Variants in CACNA1E observed in about 807,000 individuals in gnomAD.
CACNA1E encodes the protein voltage-dependent R-type calcium channel subunit alpha-1E.
Under a neutral mutation model 259.2 loss-of-function variants are expected in CACNA1E, and 40 were observed. That is an observed-to-expected ratio of 0.15 (90% confidence interval 0.12 to 0.20). The LOEUF is 0.20. CACNA1E is among the 10% of genes least tolerant of loss of function. The pLI is 1.00. For synonymous variants in CACNA1E, 1,104 were observed against 1,138.5 expected (o/e 0.97, Z 0.61); for missense variants, 1,874 against 3,040.1 (o/e 0.62, Z 9.02).
chr1:181,559,751 G>T (rs990860907), intron 3 of CACNA1E, among the ~76,000 whole-genome samples: 5 of 152,198 alleles, frequency 3.3e-5, no homozygotes, highest in Admixed American at 6.5e-5. Context: ...GGGTACAAAT[G>T]TGCACCAGCT....
intron 2 of CACNA1E, among the ~76,000 whole-genome samples, chr1:181,430,061 T>C (rs1028713517): frequency 5.3e-5 from 8 of 152,174 alleles, no homozygotes; most frequent in African/African-American, 1.7e-4. Context: ...CTCTACATAC[T>C]CTTTTCTGGG....
chr1:181,585,930 G>C (rs887687970), intron 6 of CACNA1E, among the ~76,000 whole-genome samples: 2 of 152,148 alleles, frequency 1.3e-5, no homozygotes, highest in African/African-American at 4.8e-5. Context: ...AGCAATGGAG[G>C]GTTTTGAGGA....
intron 6 of CACNA1E, among the ~76,000 whole-genome samples, chr1:181,583,989 T>C (rs1160159756): frequency 1.3e-5 from 2 of 152,178 alleles, no homozygotes; most frequent in Non-Finnish European, 2.9e-5. Flanking sequence ...TGATCAATGC[T>C]CTTCATTCAA....
chr1:181,582,341 G>A (rs990853083), intron 6 of CACNA1E, among the ~76,000 whole-genome samples: 3 of 152,196 alleles, frequency 2.0e-5, no homozygotes, highest in African/African-American at 7.2e-5. Context: ...GATGAGTGCA[G>A]TCACTCCTCA....
At chr1:181,778,316 A>C (rs1367656975) in intron 38 of CACNA1E, among the ~76,000 whole-genome samples, 1 of 152,240 alleles carries the variant, frequency 6.6e-6, no homozygotes, top group Non-Finnish European at 1.5e-5. Context: ...TGAAAGGACA[A>C]CTGGCTAAAT....
At chr1:181,499,828 G>A (rs1021941217) in intron 1 of CACNA1E, among the ~76,000 whole-genome samples, 1 of 152,194 alleles carries the variant, frequency 6.6e-6, no homozygotes, top group Non-Finnish European at 1.5e-5. Context: ...CTTCTAGACC[G>A]AGGGGAGCCA....
chr1:181,440,945 C>T (rs1660422473), intron 2 of CACNA1E, among the ~76,000 whole-genome samples: 1 of 132,742 alleles, frequency 7.5e-6, no homozygotes, highest in African/African-American at 2.8e-5. Flanking sequence ...CATGCCATTG[C>T]ACTCCAGCCT....
intron 7 of CACNA1E, among the ~76,000 whole-genome samples, chr1:181,688,115 C>T (rs984633850): frequency 3.3e-5 from 5 of 152,192 alleles, no homozygotes; most frequent in African/African-American, 4.8e-5. Flanking sequence ...TGGGCACTAA[C>T]AATAAAGCTT....
At chr1:181,348,770 A>G (rs2102661150) in intron 1 of CACNA1E, among the ~76,000 whole-genome samples, 1 of 152,346 alleles carries the variant, frequency 6.6e-6, no homozygotes, top group South Asian at 2.1e-4. Context: ...TCTACTGGGC[A>G]TCTGTGCCTG....
Position 181,803,805 on chromosome 1 carries a change from T to C in CACNA1E, c.*4971T>C, listed in dbSNP as rs1011878157. 2.0e-5 allele frequency: 3 copies of C among 152,170 alleles called. No individual in the cohort carries two copies. The highest frequency in any genetic ancestry group is 7.2e-5 in the African/African-American group (3 of 41,438). 9.4% of individuals were successfully genotyped at this position (152,170 alleles called of 1,614,324 possible). Reference sequence around the variant, plus strand: ...CACCAAGCCAAAGAGAAAAAATTCATAGATTGTCCCAGCCTACCCAAAGGG... The same window carrying C: ...CACCAAGCCAAAGAGAAAAAATTCACAGATTGTCCCAGCCTACCCAAAGGG... On this transcript the variant is annotated 3_prime_UTR_variant, in exon 48 of 48. Transcript: ENST00000367573.
intron 1 of CACNA1E, among the ~76,000 whole-genome samples, chr1:181,405,331 A>G (rs1191996744): frequency 6.6e-6 from 1 of 152,220 alleles, no homozygotes; most frequent in Non-Finnish European, 1.5e-5. Context: ...TGCAGATGCC[A>G]TTGTCTGAGC....
intron 7 of CACNA1E, among the ~76,000 whole-genome samples, chr1:181,685,407 C>T (rs564087478): frequency 6.6e-6 from 1 of 152,270 alleles, no homozygotes; most frequent in South Asian, 2.1e-4. Flanking sequence ...ATGTGAATAA[C>T]TAACCCAGTG....
chr1:181,707,087 G>A (rs1203729058), intron 7 of CACNA1E, among the ~76,000 whole-genome samples: 1 of 152,194 alleles, frequency 6.6e-6, no homozygotes, highest in Non-Finnish European at 1.5e-5. Context: ...CAGGCCATGG[G>A]TACTAACAAT....
At position 181,749,658 on chromosome 1, in the gene CACNA1E, A is replaced by G. The variant is rs189046093; in HGVS notation, c.3720-818A>G. 3.1e-3 allele frequency among the ~76,000 whole-genome samples: 465 copies of G among 152,348 alleles called. 2 individuals carry two copies. Among genetic ancestry groups the G allele is most frequent in the African/African-American group, 9.0e-3 (373 of 41,570 alleles). Reference sequence around the variant, plus strand: ...TTTGCACTAAAATTGCTTAGCACAGAGTCTGGCCCAGAATAAATAAATATT... The same window carrying G: ...TTTGCACTAAAATTGCTTAGCACAGGGTCTGGCCCAGAATAAATAAATATT... On this transcript the variant is annotated intron_variant, in intron 25 of 47. Transcript: ENST00000367573.
chr1:181,469,753 T>C (rs1662374047), intron 2 of CACNA1E, among the ~76,000 whole-genome samples: 2 of 149,946 alleles, frequency 1.3e-5, no homozygotes, highest in Admixed American at 6.6e-5. Context: ...GTTAGGGAGG[T>C]AGAAGGAGGA....
intron 3 of CACNA1E, among the ~76,000 whole-genome samples, chr1:181,539,289 GTTGTA>G (rs1668405006): frequency 6.6e-6 from 1 of 152,196 alleles, no homozygotes; most frequent in African/African-American, 2.4e-5. Context: ...GAAGGCAGGG[GTTGTA>G]TTGTATTCTA....
chr1:181,746,405 A>G (rs533589784), intron 25 of CACNA1E, among the ~76,000 whole-genome samples: 1 of 152,350 alleles, frequency 6.6e-6, no homozygotes, highest in African/African-American at 2.4e-5. Flanking sequence ...TCATTTGACT[A>G]GTAAATAGCA....
At chr1:181,517,417 G>A (rs1572080369) in intron 3 of CACNA1E, among the ~76,000 whole-genome samples, 1 of 152,068 alleles carries the variant, frequency 6.6e-6, no homozygotes, top group East Asian at 1.9e-4. Flanking sequence ...AGGGCAGTGG[G>A]GAGCCACGGA....
intron 1 of CACNA1E, among the ~76,000 whole-genome samples, chr1:181,367,053 C>T (rs765752976): frequency 6.6e-6 from 1 of 152,180 alleles, no homozygotes; most frequent in Admixed American, 6.5e-5. Flanking sequence ...TGGGAGCTAC[C>T]GATGGGTGGG....
Sources: allele counts gnomAD v4.1 joint callset (sites outside exome capture counted in the v4.1 genomes callset), GRCh38; gene constraint gnomAD v4.1.1; transcripts MANE v1.5; gene names NCBI Gene and HGNC (gene_info 2026-07-23, HGNC 2026-07-21).